Variants in CALHM5 observed in about 807,000 individuals in gnomAD.
CALHM5 encodes calcium homeostasis modulator family member 5.
In CALHM5, 17 loss-of-function variants were observed where a neutral mutation model predicts 20.9. The ratio of observed to expected loss-of-function variants is 0.82; its 90% CI spans 0.56 to 1.22. CALHM5 has a LOEUF of 1.22. Ranked by LOEUF, CALHM5 falls within the 50% of genes most tolerant of loss-of-function variation. The probability of loss-of-function intolerance (pLI) is 0.00; values close to 1 mark genes in which losing one functional copy is unlikely to be tolerated. For missense variants in CALHM5, 360 were observed against 364.6 expected (o/e 0.99, Z 0.10); for synonymous variants, 148 against 140.0 (o/e 1.06, Z -0.40).
rs1307259129 is a variant in CALHM5 at position 116,519,988 on chromosome 6, A to AG, written c.*4000dup. ...AAAGATTACAAAAATAAGGCATGGC[A>AG]GACAAATCACTACATAATTCTATGC... On this transcript the variant is annotated 3_prime_UTR_variant, in exon 2 of 2. Coordinates refer to ENST00000368599, the MANE Select transcript of CALHM5 (RefSeq NM_153711.5). 6.6e-6 allele frequency: 1 copy of AG among 152,228 alleles called. No individual in the cohort carries two copies. The highest frequency in any genetic ancestry group is 3.2e-3 in the Middle Eastern group (1 of 316). The allele number at this position is 152,228 out of a possible 1,614,324, so 9.4% of individuals were successfully genotyped here.
chr6:116,514,007 A>T (rs1772174929), intron 1 of CALHM5, among the ~76,000 whole-genome samples: 1 of 152,166 alleles, frequency 6.6e-6, no homozygotes, highest in Non-Finnish European at 1.5e-5. Flanking sequence ...GAGATGATAG[A>T]TACAAATGGG....
At chr6:116,513,004 G>A (rs1321634340) in intron 1 of CALHM5, among the ~76,000 whole-genome samples, 3 of 152,102 alleles carry the variant, frequency 2.0e-5, no homozygotes, top group Non-Finnish European at 4.4e-5. Flanking sequence ...CATTCCTCCA[G>A]GCACATGAAC....
At chr6:116,513,768 T>C (rs1234393240) in intron 1 of CALHM5, among the ~76,000 whole-genome samples, 1 of 152,104 alleles carries the variant, frequency 6.6e-6, no homozygotes, top group African/African-American at 2.4e-5. Flanking sequence ...CATTCATCCA[T>C]GGGTGGGGCA....
rs1312748439 is a variant in CALHM5 at position 116,522,162 on chromosome 6, G to A, written c.*6173G>A. On this transcript the variant is annotated 3_prime_UTR_variant, in exon 2 of 2. Coordinates refer to ENST00000368599, the MANE Select transcript of CALHM5 (RefSeq NM_153711.5). ...ACACGACATGGAGAAGAACCAGGAA[G>A]TCCAACCAACAGTGAGAATAAAAGG... 6.6e-6 allele frequency: 1 copy of A among 152,274 alleles called. No individual in the cohort carries two copies. The allele number at this position is 152,274 out of a possible 1,614,324, so 9.4% of individuals were successfully genotyped here.
rs768789461 is a variant in CALHM5 at position 116,511,682 on chromosome 6, C to T, written c.-15C>T. On this transcript the variant is annotated 5_prime_UTR_variant, in exon 1 of 2. Coordinates refer to ENST00000368599, the MANE Select transcript of CALHM5 (RefSeq NM_153711.5). ...ATAACAAAGGCACAGCATTTTCCCT[C>T]TGTGCATCTCCAACATGGATGCTTT... is the stretch of plus-strand genomic sequence containing the variant. 1.2e-5 allele frequency: 19 copies of T among 1,608,696 alleles called. No homozygotes were observed. The highest frequency in any genetic ancestry group is 4.0e-5 in the African/African-American group (3 of 74,596).
Position 116,522,041 on chromosome 6 carries a change from A to C in CALHM5, c.*6052A>C, listed in dbSNP as rs1416710643. On this transcript the variant is annotated 3_prime_UTR_variant, in exon 2 of 2. Transcript: ENST00000368599. Reference sequence around the variant, plus strand: ...GAGAGAGAGATAAAAAGAGAGAGAGAGAGAGATCCCAATGGCTCCAATTGT... The same window carrying C: ...GAGAGAGAGATAAAAAGAGAGAGAGCGAGAGATCCCAATGGCTCCAATTGT... The C allele has an allele frequency of 1.3e-5, 2 of 152,238 alleles. No individual in the cohort carries two copies. Among genetic ancestry groups the C allele is most frequent in the Non-Finnish European group, 2.9e-5 (2 of 68,060 alleles). 9.4% of individuals were successfully genotyped at this position (152,238 alleles called of 1,614,324 possible). A position where few individuals can be genotyped will look rare whatever the true frequency, so the allele number is the denominator to read the frequency against.
chr6:116,516,196 C>G lies in CALHM5; in HGVS notation c.*207C>G. ...GATGCTGAGGGGTGACAAAGGTGCT[C>G]TTGCATTGGTGGAGAGGGGCTCAGT... On this transcript the variant is annotated 3_prime_UTR_variant, in exon 2 of 2. Transcript: ENST00000368599. 3 of 555,550 alleles carry G rather than the reference C, an allele frequency of 5.4e-6. No individual in the cohort carries two copies. The highest frequency in any genetic ancestry group is 8.5e-6 in the Non-Finnish European group (3 of 350,904). 34.4% of individuals were successfully genotyped at this position (555,550 alleles called of 1,614,324 possible).
rs1302166267 is a variant in CALHM5 at position 116,517,414 on chromosome 6, C to T, written c.*1425C>T. 1 of 152,046 alleles carries T rather than the reference C, an allele frequency of 6.6e-6. No individual in the cohort carries two copies. The highest frequency in any genetic ancestry group is 1.9e-4 in the East Asian group (1 of 5,192). 9.4% of individuals were successfully genotyped at this position (152,046 alleles called of 1,614,324 possible). A position where few individuals can be genotyped will look rare whatever the true frequency, so the allele number is the denominator to read the frequency against. Reference sequence around the variant, plus strand: ...ATATATATGTGTATGTATATATGTACATAAATTCTCCTTAAATCTCTGAGA... The same window carrying T: ...ATATATATGTGTATGTATATATGTATATAAATTCTCCTTAAATCTCTGAGA... On this transcript the variant is annotated 3_prime_UTR_variant, in exon 2 of 2. Transcript: ENST00000368599.
chr6:116,515,493 A>G (rs977554994), intron 1 of CALHM5, 107 bp from the exon 2 acceptor site: 20 of 1,129,220 alleles, frequency 1.8e-5, no homozygotes, highest in Admixed American at 7.3e-5. Flanking sequence ...CAAATGAGGT[A>G]TGTCAAAGAC....
At position 116,524,126 on chromosome 6, in the gene CALHM5, G is replaced by A. The variant is rs1282859546; in HGVS notation, c.*8137G>A. On this transcript the variant is annotated 3_prime_UTR_variant, in exon 2 of 2. Transcript: ENST00000368599. Reference sequence around the variant, plus strand: ...TAGAGATGTATATTTAAATATTTATGTGTGAACTGCCATGATGTCTAGAAG... The same window carrying A: ...TAGAGATGTATATTTAAATATTTATATGTGAACTGCCATGATGTCTAGAAG... The A allele has an allele frequency of 1.3e-5, 2 of 152,000 alleles. No individual in the cohort carries two copies. Among genetic ancestry groups the A allele is most frequent in the African/African-American group, 4.8e-5 (2 of 41,390 alleles). The allele number at this position is 152,000 out of a possible 1,614,324, so 9.4% of individuals were successfully genotyped here.
In CALHM5 at chr6:116,515,787, A is replaced by G; in HGVS notation, c.728A>G (p.Lys243Arg). The part of the protein sequence containing the change: ...YANKLSERNL[K>R]CFFENKRPDP... ...AACAAGCTGAGCGAGAGGAACCTGAAATGTTTTTTTGAAAACAAGAGGCCA... is the reference window on the plus strand; with the variant it reads ...AACAAGCTGAGCGAGAGGAACCTGAGATGTTTTTTTGAAAACAAGAGGCCA... The change falls in exon 2 of 2, where the codon AAA (lysine) becomes AGA (arginine). Residue 243 changes from lysine (K) to arginine (R), a missense_variant. Coordinates refer to ENST00000368599, the MANE Select transcript of CALHM5 (RefSeq NM_153711.5). The G allele has an allele frequency of 6.2e-7, 1 of 1,613,998 alleles. No homozygotes were observed. Among genetic ancestry groups the G allele is most frequent in the African/African-American group, 1.3e-5 (1 of 75,028 alleles).
Position 116,518,935 on chromosome 6 carries a change from T to C in CALHM5, c.*2946T>C, listed in dbSNP as rs960501056. 7 of 152,204 alleles carry C rather than the reference T, an allele frequency of 4.6e-5. No individual in the cohort carries two copies. Among genetic ancestry groups the C allele is most frequent in the African/African-American group, 1.7e-4 (7 of 41,438 alleles). The allele number at this position is 152,204 out of a possible 1,614,324, so 9.4% of individuals were successfully genotyped here. A position where few individuals can be genotyped will look rare whatever the true frequency, so the allele number is the denominator to read the frequency against. On this transcript the variant is annotated 3_prime_UTR_variant, in exon 2 of 2. Coordinates refer to ENST00000368599, the MANE Select transcript of CALHM5 (RefSeq NM_153711.5). ...GAAGAAGCCACTTAACAGGTTCTCA[T>C]CCTGACTCCTAAATTCCTTAACAGT...
rs373789624 is a variant in CALHM5 at position 116,520,346 on chromosome 6, T to A, written c.*4357T>A. The A allele has an allele frequency of 6.6e-5, 10 of 152,316 alleles. No individual in the cohort carries two copies. The South Asian group carries it at 1.0e-3, about 16-fold the overall frequency. The allele number at this position is 152,316 out of a possible 1,614,324, so 9.4% of individuals were successfully genotyped here. On this transcript the variant is annotated 3_prime_UTR_variant, in exon 2 of 2. Transcript: ENST00000368599. ...AATTCTCTAAGGTAATTATCTTAAT[T>A]TTCTAATATTTCCCTCTCATTTTTC...
At chr6:116,513,745 A>C (rs1489383776) in intron 1 of CALHM5, among the ~76,000 whole-genome samples, 3 of 152,210 alleles carry the variant, frequency 2.0e-5, no homozygotes, top group Non-Finnish European at 4.4e-5. Context: ...ATGTGCCTGG[A>C]GGCGGAAAAG....
chr6:116,512,114 C>T lies in CALHM5; in HGVS notation c.418C>T (p.Leu140=). 1 of 1,614,028 alleles carries T rather than the reference C, an allele frequency of 6.2e-7. No individual in the cohort carries two copies. Among genetic ancestry groups the T allele is most frequent in the South Asian group, 1.1e-5 (1 of 91,086 alleles). ...GACGAGAAGTTCAGGACTCCTGGAA[C>T]TGATTTGCAAGGGTAAGCCCAAAGA... The part of the protein sequence containing the change: ...SGTRSSGLLE[L]ICKGKPKECW... The change falls in exon 1 of 2, where the codon CTG becomes TTG. Residue 140 remains leucine (L), a synonymous_variant. Transcript: ENST00000368599.
rs909717473 is a variant in CALHM5, at chr6:116,517,430, A to C, written c.*1441A>C. 5 of 152,108 alleles carry C rather than the reference A, an allele frequency of 3.3e-5. No homozygotes were observed. Among genetic ancestry groups the C allele is most frequent in the African/African-American group, 1.2e-4 (5 of 41,430 alleles). The allele number at this position is 152,108 out of a possible 1,614,324, so 9.4% of individuals were successfully genotyped here. On this transcript the variant is annotated 3_prime_UTR_variant, in exon 2 of 2. Coordinates refer to ENST00000368599, the MANE Select transcript of CALHM5 (RefSeq NM_153711.5). ...ATATATGTACATAAATTCTCCTTAA[A>C]TCTCTGAGAAGAATTGTGCTTTAAA... is the stretch of plus-strand genomic sequence containing the variant.
At position 116,520,752 on chromosome 6, in the gene CALHM5, T is replaced by C. The variant is rs950130108; in HGVS notation, c.*4763T>C. 1.3e-5 allele frequency: 2 copies of C among 152,576 alleles called. No homozygotes were observed. Among genetic ancestry groups the C allele is most frequent in the East Asian group, 1.9e-4 (1 of 5,178 alleles). The allele number at this position is 152,576 out of a possible 1,614,324, so 9.5% of individuals were successfully genotyped here. ...GTGAAGGTGGTGAGGGGCTGTGAGG[T>C]TGAAATATTGGAAATGTTATCTGGA... On this transcript the variant is annotated 3_prime_UTR_variant, in exon 2 of 2. Coordinates refer to ENST00000368599, the MANE Select transcript of CALHM5 (RefSeq NM_153711.5).
Position 116,511,652 on chromosome 6 carries a change from T to A in CALHM5, c.-45T>A. 2 of 1,573,434 alleles carry A rather than the reference T, an allele frequency of 1.3e-6. No homozygotes were observed. The highest frequency in any genetic ancestry group is 1.7e-6 in the Non-Finnish European group (2 of 1,156,496). The stretch of plus-strand genomic sequence containing the variant: ...CCCTCGGCCACTGCCACAGCTGCTC[T>A]GCCAATAACAAAGGCACAGCATTTT... On this transcript the variant is annotated 5_prime_UTR_variant, in exon 1 of 2. Coordinates refer to ENST00000368599, the MANE Select transcript of CALHM5 (RefSeq NM_153711.5).
At chr6:116,512,477 C>A in intron 1 of CALHM5, 2 of 491,894 alleles carry the variant, frequency 4.1e-6, no homozygotes, top group South Asian at 3.4e-5. Flanking sequence ...ACTGGATTGT[C>A]CACATATAAA....
Sources: gnomAD v4.1 joint callset for allele counts (sites outside exome capture counted in the v4.1 genomes callset) on GRCh38, gnomAD v4.1.1 for gene constraint, MANE v1.5 for transcripts, NCBI Gene and HGNC (gene_info 2026-07-23, HGNC 2026-07-21) for gene names.